The following EHD2 variants were observed in gnomAD, a reference collection of about 807,000 sequenced individuals.
EHD2 encodes the protein EH domain containing 2.
A neutral mutation model predicts 41.0 loss-of-function variants in EHD2; 27 were observed. The observed-to-expected ratio is 0.66, with a 90% CI of 0.49 to 0.91. The LOEUF (loss-of-function observed/expected upper bound fraction) is 0.91, where lower values mean the gene tolerates loss of function less well. Among genes scored for constraint, EHD2 ranks in the 40% least tolerant of loss-of-function variants. The pLI is 0.00. For missense variants in EHD2, 673 were observed against 773.9 expected (o/e 0.87, Z 1.55); for synonymous variants, 342 against 341.0 (o/e 1.00, Z -0.03).
At chr19:47,717,446 T>G (rs1034813579) in intron 2 of EHD2, among the ~76,000 whole-genome samples, 2 of 152,160 alleles carry the variant, frequency 1.3e-5, no homozygotes, top group Non-Finnish European at 2.9e-5. Flanking sequence ...CCCAATTCCC[T>G]TCTCTCTACC....
Position 47,736,606 on chromosome 19 carries a change from G to C in EHD2, c.1080+73G>C, listed in dbSNP as rs907504098. 16 of 1,480,290 alleles carry C rather than the reference G, an allele frequency of 1.1e-5. No homozygotes were observed. The Middle Eastern group carries it at 5.6e-4, about 52-fold the overall frequency. 91.7% of individuals were successfully genotyped at this position (1,480,290 alleles called of 1,614,324 possible). ...TTGGTTTCTGGAAGCTCTGAGATGG[G>C]ACCTCAAAAGCCAGAGGGATGGATG... On this transcript the variant is annotated intron_variant, in intron 5 of 5. Transcript: ENST00000263277.
chr19:47,732,689 G>A (rs1966884203), intron 4 of EHD2, among the ~76,000 whole-genome samples: 1 of 152,098 alleles, frequency 6.6e-6, no homozygotes. Context: ...CCAAAGTGCT[G>A]GGATTATAGG....
chr19:47,736,076 A>G (rs575501598), intron 4 of EHD2, among the ~76,000 whole-genome samples: 3 of 152,140 alleles, frequency 2.0e-5, no homozygotes, highest in Non-Finnish European at 4.4e-5. Flanking sequence ...CATGCCTGTA[A>G]TCCCAGCTAC....
intron 5 of EHD2, among the ~76,000 whole-genome samples, chr19:47,739,742 C>A (rs1032861669): frequency 1.3e-5 from 2 of 151,668 alleles, no homozygotes; most frequent in African/African-American, 4.8e-5. Context: ...GCCACCCAAG[C>A]CTGCTGAGTT....
At chr19:47,722,057 C>CAG (rs71180871) in intron 3 of EHD2, among the ~76,000 whole-genome samples, 13,174 of 144,476 alleles carry the variant, frequency 0.091, 835 homozygotes, top group Middle Eastern at 0.13. Flanking sequence ...CACACACACA[C>CAG]TGGGAATAAT....
intron 1 of EHD2, 34 bp from the exon 2 acceptor site, chr19:47,716,524 C>A: frequency 7.1e-7 from 1 of 1,402,502 alleles, no homozygotes; most frequent in Non-Finnish European, 9.3e-7. Flanking sequence ...CTTGGCTGGG[C>A]CGCCTATGCT....
intron 5 of EHD2, among the ~76,000 whole-genome samples, chr19:47,737,032 C>T (rs948837716): frequency 7.3e-5 from 11 of 151,482 alleles, no homozygotes; most frequent in Non-Finnish European, 1.3e-4. Flanking sequence ...CAGATCAAGA[C>T]CATCCTGGCT....
At chr19:47,730,181 C>A (rs991758859) in intron 4 of EHD2, among the ~76,000 whole-genome samples, 1 of 151,566 alleles carries the variant, frequency 6.6e-6, no homozygotes, top group African/African-American at 2.4e-5. Flanking sequence ...CGCCCTCTCA[C>A]CTTATCTCTT....
In EHD2 at chr19:47,742,019, TG is replaced by T. The variant is rs1284170729; in HGVS notation, c.*593del. 14 of 450,948 alleles carry T rather than the reference TG, an allele frequency of 3.1e-5. No individual in the cohort carries two copies. The highest frequency in any genetic ancestry group is 1.6e-5 in the South Asian group (1 of 63,796). The allele number at this position is 450,948 out of a possible 1,614,324, so 27.9% of individuals were successfully genotyped here. On this transcript the variant is annotated 3_prime_UTR_variant, in exon 6 of 6. Transcript: ENST00000263277. ...ATCACATCCTCAGGTCTCGGGACCA[TG>T]GGGGGCTCAGAGGGGAGACACACCT...
In EHD2 at chr19:47,719,946, A is replaced by ATGTGTGTGTGTG. The variant is rs59665711; in HGVS notation, c.502+1353_502+1364dup. On this transcript the variant is annotated intron_variant, in intron 3 of 5. Transcript: ENST00000263277. The surrounding 1 kb of genome is among the most constrained non-coding windows in gnomAD (Gnocchi z 4.1). Reference sequence around the variant, plus strand: ...AGAGTGTCCAGCTGTTGGTGTGTATATGTGTGTGTGTGTGTGTGTGTGTGA... The same window carrying ATGTGTGTGTGTG: ...AGAGTGTCCAGCTGTTGGTGTGTATATGTGTGTGTGTGTGTGTGTGTGTGTGTGTGTGTGTGA... 0.034 allele frequency among the ~76,000 whole-genome samples: 4,930 copies of ATGTGTGTGTGTG among 146,962 alleles called. 156 individuals carry two copies. Among genetic ancestry groups the ATGTGTGTGTGTG allele is most frequent in the African/African-American group, 0.085 (3,340 of 39,112 alleles).
At chr19:47,727,265 C>A (rs574167865) in intron 4 of EHD2, among the ~76,000 whole-genome samples, 1 of 151,772 alleles carries the variant, frequency 6.6e-6, no homozygotes. Context: ...CCACCATGCC[C>A]GGCTAATTGT....
intron 4 of EHD2, among the ~76,000 whole-genome samples, chr19:47,729,960 C>T (rs74403301): frequency 1.3e-5 from 2 of 152,230 alleles, no homozygotes; most frequent in East Asian, 3.9e-4. Context: ...ATCTCTCCCC[C>T]GCTCCGCCGC....
intron 5 of EHD2, among the ~76,000 whole-genome samples, chr19:47,738,383 A>T (rs1388015269): frequency 6.6e-6 from 1 of 151,108 alleles, no homozygotes; most frequent in Admixed American, 6.6e-5. Context: ...ACTCACTACA[A>T]CCTCTGCCTC....
intron 4 of EHD2, among the ~76,000 whole-genome samples, chr19:47,733,771 A>AAAAAAAAAAAAAAAAAC (rs1568592556): frequency 6.7e-6 from 1 of 149,786 alleles, no homozygotes; most frequent in South Asian, 2.1e-4. Flanking sequence ...AAAAAAAAAA[A>AAAAAAAAAAAAAAAAAC]AAAATCCACT....
intron 3 of EHD2, 104 bp downstream of exon 3, chr19:47,718,710 G>A (rs1246511737): frequency 3.8e-6 from 4 of 1,047,634 alleles, no homozygotes; most frequent in South Asian, 1.5e-5. Flanking sequence ...GTCTGAGGGA[G>A]GAGGGGCTGG....
intron 2 of EHD2, 127 bp from the exon 3 acceptor site, chr19:47,718,382 T>G: frequency 1.4e-6 from 1 of 733,582 alleles, no homozygotes; most frequent in Non-Finnish European, 2.3e-6. Context: ...CCTTTTTCTG[T>G]CCGGTGTCTT....
chr19:47,731,543 C>T (rs934655078), intron 4 of EHD2: 4 of 151,660 alleles, frequency 2.6e-5, no homozygotes, highest in African/African-American at 9.7e-5. Context: ...CTCCTGACCT[C>T]AGGTGATCCG....
chr19:47,735,504 G>A (rs963818333), intron 4 of EHD2, among the ~76,000 whole-genome samples: 3 of 152,010 alleles, frequency 2.0e-5, no homozygotes, highest in Non-Finnish European at 4.4e-5. Context: ...AGGCTGAGGC[G>A]GGAGGATCCC....
intron 4 of EHD2, among the ~76,000 whole-genome samples, chr19:47,734,392 A>G (rs561056775): frequency 8.7e-4 from 133 of 152,196 alleles, no homozygotes; most frequent in African/African-American, 2.3e-3. Flanking sequence ...AGGAGGAGGC[A>G]AAAGGGACTC....
Sources: allele counts gnomAD v4.1 joint callset (sites outside exome capture counted in the v4.1 genomes callset), GRCh38; gene constraint gnomAD v4.1.1; non-coding constraint Gnocchi (gnomAD v3.1); transcripts MANE v1.5; gene names NCBI Gene and HGNC (gene_info 2026-07-23, HGNC 2026-07-21).